Variants in APOL5 observed in about 807,000 individuals in gnomAD.
APOL5 encodes apolipoprotein L5.
In APOL5, 29 loss-of-function variants were observed where a neutral mutation model predicts 35.5. The observed-to-expected ratio is 0.82, with a 90% CI of 0.61 to 1.11. The LOEUF (loss-of-function observed/expected upper bound fraction) is 1.11. Among genes scored for constraint, APOL5 ranks in the 50% most tolerant of loss-of-function variants. The probability of loss-of-function intolerance (pLI) is 0.00; values close to 1 mark genes in which losing one functional copy is unlikely to be tolerated. For synonymous variants in APOL5, 188 were observed against 200.2 expected, an observed-to-expected ratio of 0.94 and a Z score of 0.51; for missense variants, 514 against 530.4, an observed-to-expected ratio of 0.97 and a Z score of 0.30.
Position 35,726,952 on chromosome 22 carries a change from G to T in APOL5, c.884G>T (p.Gly295Val). ...ATGACCAATGGTGCCTGGGTGATGG[G>T]TGCTGCTGGGGCTGGCTTCTTACTT... ...LAMTNGAWVM[G>V]AAGAGFLLMK... is the part of the protein sequence containing the mutation. The change falls in exon 3 of 5, where the codon GGT (glycine) becomes GTT (valine). Residue 295 changes from glycine (G) to valine (V), a missense_variant. Gly to Val is a moderately radical substitution (Grantham distance 109, BLOSUM62 -3). Coordinates refer to ENST00000249044, the MANE Select transcript of APOL5 (RefSeq NM_030642.1). 6.2e-7 allele frequency: 1 copy of T among 1,614,212 alleles called. No homozygotes were observed. The highest frequency in any genetic ancestry group is 1.1e-5 in the South Asian group (1 of 91,080).
the APOL5 span, among the ~76,000 whole-genome samples, chr22:35,711,402 C>A: frequency 2.0e-5 from 3 of 151,946 alleles, no homozygotes; most frequent in Non-Finnish European, 4.4e-5. Context: ...TATATATATA[C>A]CCAGAAGTGG....
At chr22:35,715,474 C>T (rs35607488), upstream of APOL5, among the ~76,000 whole-genome samples, 39,307 of 151,888 alleles carry the variant, frequency 0.26, 5,717 homozygotes, top group Non-Finnish European at 0.34. Context: ...GGTGAAACCC[C>T]GTCTCTACTA....
the APOL5 span, among the ~76,000 whole-genome samples, chr22:35,710,146 A>G: frequency 5.7e-5 from 6 of 105,326 alleles, no homozygotes; most frequent in African/African-American, 1.7e-4. Flanking sequence ...TTTTTGAGAC[A>G]GAGTCTTGCT....
chr22:35,710,732 G>A, the APOL5 span, among the ~76,000 whole-genome samples: 7 of 151,958 alleles, frequency 4.6e-5, no homozygotes, highest in African/African-American at 9.7e-5. Context: ...TGGCAACCAC[G>A]ACTCTGCTCC....
chr22:35,728,323 A>T (rs940800431), intron 3 of APOL5, among the ~76,000 whole-genome samples: 1 of 152,108 alleles, frequency 6.6e-6, no homozygotes, highest in East Asian at 1.9e-4. Context: ...TCCCGGGTTC[A>T]CGCCATTCTC....
upstream of APOL5, among the ~76,000 whole-genome samples, chr22:35,716,720 C>T (rs1020421169): frequency 4.0e-5 from 6 of 151,320 alleles, no homozygotes; most frequent in Admixed American, 6.6e-5. Flanking sequence ...CGAGAATATT[C>T]CCCTACTCCT....
chr22:35,728,974 G>C, intron 4 of APOL5, 70 bp downstream of exon 4: 1 of 1,450,948 alleles, frequency 6.9e-7, no homozygotes, highest in Non-Finnish European at 9.1e-7. Context: ...CCTTGGGTGG[G>C]TGGGCTTCAG....
chr22:35,723,953 T>A (rs1927059672), intron 2 of APOL5, among the ~76,000 whole-genome samples: 1 of 152,118 alleles, frequency 6.6e-6, no homozygotes. Context: ...TGAGACTCCA[T>A]CTCAAAACAA....
chr22:35,724,206 C>T (rs1298187095), intron 2 of APOL5, among the ~76,000 whole-genome samples: 4 of 151,464 alleles, frequency 2.6e-5, no homozygotes, highest in Admixed American at 2.0e-4. Flanking sequence ...TTGCATGCGC[C>T]TGTAGTCCCA....
chr22:35,720,039 T>C (rs1429004326), intron 1 of APOL5, among the ~76,000 whole-genome samples: 1 of 152,048 alleles, frequency 6.6e-6, no homozygotes, highest in Non-Finnish European at 1.5e-5. Context: ...CATCCGCCGG[T>C]GTATTCTTCT....
chr22:35,721,234 GT>G (rs1159060860), intron 2 of APOL5, among the ~76,000 whole-genome samples: 1 of 151,784 alleles, frequency 6.6e-6, no homozygotes, highest in Non-Finnish European at 1.5e-5. Context: ...AAATATCTTA[GT>G]AAAAAAAATG....
chr22:35,725,235 A>C (rs1407911724), intron 2 of APOL5, among the ~76,000 whole-genome samples: 2 of 152,180 alleles, frequency 1.3e-5, no homozygotes, highest in Non-Finnish European at 2.9e-5. Context: ...CGGTTTCTCC[A>C]AAAATTCGAG....
chr22:35,711,099 G>GT, the APOL5 span, among the ~76,000 whole-genome samples: 1 of 152,234 alleles, frequency 6.6e-6, no homozygotes, highest in Non-Finnish European at 1.5e-5. Flanking sequence ...GAAGCCGGGA[G>GT]TGGGAGGTTG....
upstream of APOL5, chr22:35,717,753 AGAAAGAAAAGAAAAG>A: frequency 4.8e-5 from 17 of 350,876 alleles, no homozygotes; most frequent in Non-Finnish European, 6.4e-5. Flanking sequence ...AAAAAAAAAA[AGAAAGAAAAGAAAAG>A]AAAAAAAAAT....
the APOL5 span, among the ~76,000 whole-genome samples, chr22:35,710,365 C>T: frequency 6.6e-6 from 1 of 150,528 alleles, no homozygotes; most frequent in Non-Finnish European, 1.5e-5. Flanking sequence ...TGGTCTTGAA[C>T]TTCTGGGCTC....
chr22:35,728,918 A>C lies in APOL5; in HGVS notation c.*6+14A>C. 1 of 1,571,094 alleles carries C rather than the reference A, an allele frequency of 6.4e-7. No individual in the cohort carries two copies. The highest frequency in any genetic ancestry group is 8.6e-7 in the Non-Finnish European group (1 of 1,158,978). ...CAATGAGAAGAGGTAAGTGGGACGC[A>C]AGGAAGCCAGGAGCTGTGGGAACCC... is the stretch of plus-strand genomic sequence containing the variant. On this transcript the variant is annotated intron_variant, in intron 4 of 4. Coordinates refer to ENST00000249044, the MANE Select transcript of APOL5 (RefSeq NM_030642.1).
the APOL5 span, among the ~76,000 whole-genome samples, chr22:35,709,915 G>A: frequency 6.6e-6 from 1 of 151,722 alleles, no homozygotes; most frequent in Non-Finnish European, 1.5e-5. Flanking sequence ...ACCTTGCCAT[G>A]TTTCCTCTGA....
chr22:35,711,783 C>T, the APOL5 span, among the ~76,000 whole-genome samples: 7 of 151,466 alleles, frequency 4.6e-5, no homozygotes, highest in Admixed American at 2.0e-4. Flanking sequence ...TCAGGTGATT[C>T]CCCTGCCTCA....
chr22:35,710,437 C>T, the APOL5 span, among the ~76,000 whole-genome samples: 3 of 151,644 alleles, frequency 2.0e-5, no homozygotes, highest in Non-Finnish European at 4.4e-5. Context: ...CCACCTCACC[C>T]AACCCCTTTT....
Sources: allele counts gnomAD v4.1 joint callset (sites outside exome capture counted in the v4.1 genomes callset), GRCh38; gene constraint gnomAD v4.1.1; transcripts MANE v1.5; gene names NCBI Gene and HGNC (gene_info 2026-07-23, HGNC 2026-07-21).